Variants in PDGFD observed in about 807,000 individuals in gnomAD.
PDGFD encodes the protein platelet-derived growth factor D.
PDGFD carries 30 observed loss-of-function variants against 44.7 expected under a neutral mutation model. That is an observed-to-expected ratio of 0.67 (90% CI 0.50 to 0.91). The LOEUF (loss-of-function observed/expected upper bound fraction) is 0.91. Among genes scored for constraint, PDGFD ranks in the 40% least tolerant of loss-of-function variants. The pLI is 0.00. For synonymous variants in PDGFD, 173 were observed against 168.4 expected (o/e 1.03, Z -0.21); for missense variants, 445 against 457.8 (o/e 0.97, Z 0.25).
At chr11:104,084,737 A>G (rs1330995991) in intron 1 of PDGFD, among the ~76,000 whole-genome samples, 1 of 136,038 alleles carries the variant, frequency 7.4e-6, no homozygotes, top group Non-Finnish European at 1.5e-5. Context: ...ATACAGATAT[A>G]TGTAATATAT....
At chr11:103,982,632 G>A (rs1247316121) in intron 3 of PDGFD, among the ~76,000 whole-genome samples, 1 of 151,754 alleles carries the variant, frequency 6.6e-6, no homozygotes, top group African/African-American at 2.4e-5. Context: ...GATTATCCCT[G>A]TTTGCAGATA....
intron 1 of PDGFD, chr11:104,036,670 T>G: frequency 3.1e-6 from 2 of 651,236 alleles, no homozygotes; most frequent in Non-Finnish European, 5.4e-6. Context: ...CCCAGACAGA[T>G]GAGTGTCCGC....
chr11:103,975,972 A>G (rs1859178099), intron 3 of PDGFD, among the ~76,000 whole-genome samples: 1 of 152,172 alleles, frequency 6.6e-6, no homozygotes, highest in Non-Finnish European at 1.5e-5. Context: ...TGTCTTGGCT[A>G]TATGGGCTCT....
intron 1 of PDGFD, among the ~76,000 whole-genome samples, chr11:104,122,185 G>T (rs890032109): frequency 1.8e-4 from 27 of 151,938 alleles, no homozygotes; most frequent in Admixed American, 1.2e-3. Context: ...TTGCACAGGG[G>T]AATGCTGGCA....
chr11:104,135,582 A>C (rs1003331066), intron 1 of PDGFD, among the ~76,000 whole-genome samples: 1 of 152,168 alleles, frequency 6.6e-6, no homozygotes, highest in South Asian at 2.1e-4. Flanking sequence ...ATTACTCAGA[A>C]GGCTATTTGG....
rs1217027361 is a variant in PDGFD, at chr11:103,909,482, T to G, written c.*212A>C. 3.6e-6 allele frequency: 2 copies of G among 551,100 alleles called. No homozygotes were observed. The highest frequency in any genetic ancestry group is 6.5e-6 in the Non-Finnish European group (2 of 308,630). The allele number at this position is 551,100 out of a possible 1,614,324, so 34.1% of individuals were successfully genotyped here. A position where few individuals can be genotyped will look rare whatever the true frequency, so the allele number is the denominator to read the frequency against. On this transcript the variant is annotated 3_prime_UTR_variant, in exon 7 of 7. Transcript: ENST00000393158. ...TATAACCTCAAACACTATTATTAAA[T>G]GCAATCCTATATTCTTAGGTATAGA...
intron 1 of PDGFD, among the ~76,000 whole-genome samples, chr11:104,099,760 G>A: frequency 6.6e-6 from 1 of 151,408 alleles, no homozygotes; most frequent in Admixed American, 6.6e-5. Flanking sequence ...TGAAATTTTG[G>A]TTAAATCAAA....
At chr11:103,992,619 A>T (rs1394387544) in intron 3 of PDGFD, among the ~76,000 whole-genome samples, 1 of 152,226 alleles carries the variant, frequency 6.6e-6, no homozygotes, top group South Asian at 2.1e-4. Context: ...CTATGCTGCC[A>T]TGCCCTGGGT....
chr11:104,076,439 A>G (rs1244652253), intron 1 of PDGFD, among the ~76,000 whole-genome samples: 1 of 152,104 alleles, frequency 6.6e-6, no homozygotes, highest in Non-Finnish European at 1.5e-5. Context: ...GTGTTTCTAC[A>G]CTTGTTGCAG....
intron 3 of PDGFD, among the ~76,000 whole-genome samples, chr11:103,964,914 AG>A (rs1224452515): frequency 6.6e-6 from 1 of 151,828 alleles, no homozygotes; most frequent in Admixed American, 6.6e-5. Flanking sequence ...GTATCATTTC[AG>A]GTGATATTTA....
chr11:104,036,032 C>T (rs1261938158), intron 1 of PDGFD, among the ~76,000 whole-genome samples: 2 of 152,164 alleles, frequency 1.3e-5, no homozygotes, highest in African/African-American at 4.8e-5. Flanking sequence ...CTACTATGCA[C>T]ATAGAATGGT....
chr11:103,986,460 C>G (rs867952397), intron 3 of PDGFD, among the ~76,000 whole-genome samples: 1 of 152,220 alleles, frequency 6.6e-6, no homozygotes, highest in Non-Finnish European at 1.5e-5. Context: ...GGGGGGAACT[C>G]TTCTTTCCAT....
At chr11:104,062,607 C>A (rs1860732390) in intron 1 of PDGFD, among the ~76,000 whole-genome samples, 1 of 152,092 alleles carries the variant, frequency 6.6e-6, no homozygotes, top group South Asian at 2.1e-4. Context: ...CCACTTAAAT[C>A]TTGAGTTTAT....
Position 104,063,543 on chromosome 11 carries a change from T to C in PDGFD, c.125-63288A>G, listed in dbSNP as rs570637519. 4.6e-5 allele frequency among the ~76,000 whole-genome samples: 7 copies of C among 152,184 alleles called. No individual in the cohort carries two copies. The South Asian group carries it at 1.5e-3, about 32-fold the overall frequency. The stretch of plus-strand genomic sequence containing the variant: ...AGGTGTATACCTCAAGGGGATGTAT[T>C]AGTCCGTTTTCACACTGCTATAAAG... On this transcript the variant is annotated intron_variant, in intron 1 of 6. Coordinates refer to ENST00000393158, the MANE Select transcript of PDGFD (RefSeq NM_025208.5).
intron 1 of PDGFD, among the ~76,000 whole-genome samples, chr11:104,015,902 G>A (rs1239584579): frequency 1.3e-5 from 2 of 152,056 alleles, no homozygotes; most frequent in Non-Finnish European, 2.9e-5. Flanking sequence ...AATGACAGCT[G>A]GTTTTTACTA....
chr11:104,113,183 A>G (rs371336624), intron 1 of PDGFD, among the ~76,000 whole-genome samples: 11 of 152,246 alleles, frequency 7.2e-5, no homozygotes, highest in African/African-American at 2.6e-4. Flanking sequence ...TTCCTCAGAA[A>G]TCTAGAAGGT....
chr11:104,058,282 C>T (rs1272579081), intron 1 of PDGFD, among the ~76,000 whole-genome samples: 7 of 152,090 alleles, frequency 4.6e-5, no homozygotes, highest in African/African-American at 2.4e-5. Context: ...ATTTAAAACA[C>T]GTTATACATT....
chr11:104,110,086 A>G (rs1202909573), intron 1 of PDGFD, among the ~76,000 whole-genome samples: 4 of 152,188 alleles, frequency 2.6e-5, no homozygotes, highest in Admixed American at 2.0e-4. Flanking sequence ...ATGAACCAAG[A>G]TAAGATGATT....
chr11:104,145,095 T>C (rs1862144691), intron 1 of PDGFD, among the ~76,000 whole-genome samples: 1 of 152,208 alleles, frequency 6.6e-6, no homozygotes, highest in South Asian at 2.1e-4. Flanking sequence ...AGTGGTGTTA[T>C]TGTTATTGTT....
Sources: gnomAD v4.1 joint callset for allele counts (sites outside exome capture counted in the v4.1 genomes callset) on GRCh38, gnomAD v4.1.1 for gene constraint, MANE v1.5 for transcripts, NCBI Gene and HGNC (gene_info 2026-07-23, HGNC 2026-07-21) for gene names.